Variants in PHRF1 observed in about 807,000 individuals in gnomAD.
The protein encoded by PHRF1 is PHD and ring finger domains 1.
In PHRF1, 53 loss-of-function variants were observed where a neutral mutation model predicts 128.9. The observed-to-expected ratio is 0.41, with a 90% confidence interval of 0.33 to 0.52. The LOEUF (loss-of-function observed/expected upper bound fraction) is 0.52, where lower values mean the gene tolerates loss of function less well. Among genes scored for constraint, PHRF1 ranks in the 20% least tolerant of loss-of-function variants. PHRF1 has a pLI of 0.21. For synonymous variants in PHRF1, 1,178 were observed against 980.6 expected (o/e 1.20, Z -3.76); for missense variants, 2,503 against 2,284.5 (o/e 1.10, Z -1.95).
Position 598,460 on chromosome 11 carries a change from C to T in PHRF1, c.982C>T (p.Pro328Ser). The change falls in exon 9 of 18, where the codon CCC becomes TCC. Residue 328 changes from proline to serine, a missense_variant. Physicochemically the swap from Pro to Ser is moderately conservative, Grantham distance 74. Coordinates refer to ENST00000264555, the MANE Select transcript of PHRF1 (RefSeq NM_001286581.2). ...CCTGAGCACTGCCGTGTATCAGCGC[C>T]CCCTGACGCCGCGCACTCCCGCCCG... ...TGLSTAVYQR[P>S]LTPRTPARRK... 1.2e-6 allele frequency: 2 copies of T among 1,610,764 alleles called. No homozygotes were observed. Among genetic ancestry groups the T allele is most frequent in the Non-Finnish European group, 1.7e-6 (2 of 1,179,674 alleles).
rs1358758566 is a variant in PHRF1 at position 609,070 on chromosome 11, C to A, written c.3614C>A (p.Pro1205His). 13 of 1,600,232 alleles carry A rather than the reference C, an allele frequency of 8.1e-6. No homozygotes were observed. The highest frequency in any genetic ancestry group is 1.1e-5 in the Non-Finnish European group (13 of 1,174,020). ...GCTGTGAGGGAGGCTTCCCCAGCGC[C>A]CCTTGCACAGGGGGAGCCAGGGCGG... is the stretch of plus-strand genomic sequence containing the variant. ...KGAVREASPAPLAQGEPGRED... is the reference protein window; with the variant it reads ...KGAVREASPAHLAQGEPGRED... Residue 1205 changes from proline (P) to histidine (H), a missense_variant, in exon 14 of 18, where the codon CCC becomes CAC. By Grantham distance (77) the Pro-to-His change is moderately conservative. Transcript: ENST00000264555.
At chr11:606,666 A>G in intron 13 of PHRF1, 70 bp downstream of exon 13, 1 of 1,501,090 alleles carries the variant, frequency 6.7e-7, no homozygotes, top group Admixed American at 2.2e-5. Flanking sequence ...GCAAGCACTC[A>G]GCCCATGTCT....
intron 1 of PHRF1, among the ~76,000 whole-genome samples, chr11:579,224 C>T (rs1854065291): frequency 6.6e-6 from 1 of 150,926 alleles, no homozygotes; most frequent in Admixed American, 6.6e-5. Flanking sequence ...TGGGACTCCC[C>T]CAGCCCTGCT....
chr11:606,451 C>T lies in PHRF1; in HGVS notation c.1464C>T (p.Leu488=), dbSNP rs745861477. 12 of 1,556,238 alleles carry T rather than the reference C, an allele frequency of 7.7e-6. No individual in the cohort carries two copies. The African/African-American group carries it at 1.6e-4, about 21-fold the overall frequency. The change falls in exon 13 of 18, where the codon CTC becomes CTT. Residue 488 remains leucine, a synonymous_variant. Transcript: ENST00000264555. ...PVSVGLSRRR[L]PAAVPEPDLE... is the part of the protein sequence containing the mutation. ...GGGTCTGTGCCCACAGGAGGCGCCT[C>T]CCTGCCGCGGTGCCAGAGCCAGACT...
In PHRF1 at chr11:606,515, C is replaced by G; in HGVS notation, c.1528C>G (p.Leu510Val). The change falls in exon 13 of 18, where the codon CTG (leucine) becomes GTG (valine). Residue 510 changes from leucine to valine, a missense_variant. Transcript: ENST00000264555. ...AGTGCCTGACCTGCTGGGCAGCATC[C>G]TGTCGGGCCAGAGCCTCCTGATGCT... Reference protein sequence around the residue: ...EPVPDLLGSILSGQSLLMLGS... With the variant: ...EPVPDLLGSIVSGQSLLMLGS... The G allele has an allele frequency of 6.2e-7, 1 of 1,609,288 alleles. No individual in the cohort carries two copies. Among genetic ancestry groups the G allele is most frequent in the Non-Finnish European group, 8.5e-7 (1 of 1,179,456 alleles).
rs1480441936 is a variant in PHRF1, at chr11:608,543, C to T, written c.3087C>T (p.Ser1029=). The change falls in exon 14 of 18, where the codon AGC becomes AGT. Residue 1029 remains serine (S), a synonymous_variant. Coordinates refer to ENST00000264555, the MANE Select transcript of PHRF1 (RefSeq NM_001286581.2). ...SGTRSESRDR[S]SRSASPSVGE... The stretch of plus-strand genomic sequence containing the variant: ...CGCGCTCTGAATCCAGGGACAGGAG[C>T]TCGAGGTCAGCGTCACCATCAGTGG... 1 of 1,612,270 alleles carries T rather than the reference C, an allele frequency of 6.2e-7. No homozygotes were observed. The highest frequency in any genetic ancestry group is 2.2e-5 in the East Asian group (1 of 44,866).
rs1227142846 is a variant in PHRF1 at position 609,174 on chromosome 11, C to T, written c.3718C>T (p.Leu1240=). ...PEVATADKAP[L]QAPPVLEVAA... is the part of the protein sequence containing the mutation. ...GGTGGCTACGGCCGACAAGGCCCCCCTGCAGGCTCCCCCTGTCCTGGAGGT... is the reference window on the plus strand; with the variant it reads ...GGTGGCTACGGCCGACAAGGCCCCCTTGCAGGCTCCCCCTGTCCTGGAGGT... Residue 1240 remains leucine, a synonymous_variant, in exon 14 of 18, where the codon CTG becomes TTG. Coordinates refer to ENST00000264555, the MANE Select transcript of PHRF1 (RefSeq NM_001286581.2). 2 of 1,606,586 alleles carry T rather than the reference C, an allele frequency of 1.2e-6. No homozygotes were observed. The highest frequency in any genetic ancestry group is 1.7e-6 in the Non-Finnish European group (2 of 1,179,146).
chr11:611,199 G>A (rs2133109210), intron 17 of PHRF1, 117 bp downstream of exon 17: 3 of 1,496,638 alleles, frequency 2.0e-6, no homozygotes, highest in Non-Finnish European at 2.7e-6. Flanking sequence ...CAGCCAGCCA[G>A]GTTAGGGGTC....
intron 10 of PHRF1, among the ~76,000 whole-genome samples, chr11:602,770 GT>G (rs577884558): frequency 0.017 from 2,376 of 138,432 alleles, 64 homozygotes; most frequent in African/African-American, 0.063. Flanking sequence ...TGTTTTTTTT[GT>G]TTTTTTTTTT....
intron 1 of PHRF1, among the ~76,000 whole-genome samples, chr11:579,587 G>A (rs1854092661): frequency 6.6e-6 from 1 of 152,224 alleles, no homozygotes; most frequent in African/African-American, 2.4e-5. Flanking sequence ...CTCAGAGCCA[G>A]TGTCTCTAGG....
At position 610,771 on chromosome 11, in the gene PHRF1, G is replaced by C. The variant is rs1296977254; in HGVS notation, c.4677+10G>C. On this transcript the variant is annotated intron_variant, in intron 16 of 17. Coordinates refer to ENST00000264555, the MANE Select transcript of PHRF1 (RefSeq NM_001286581.2). ...AACCAAGAAGGAGGAGGTGAGTCCT[G>C]CCTCCTCCCACTTTCCCCATGTTCC... The C allele has an allele frequency of 6.3e-7, 1 of 1,598,342 alleles. No homozygotes were observed. The highest frequency in any genetic ancestry group is 1.1e-5 in the South Asian group (1 of 91,024).
At position 611,795 on chromosome 11, in the gene PHRF1, C is replaced by T. The variant is rs201508784; in HGVS notation, c.*18C>T. The T allele has an allele frequency of 5.7e-6, 9 of 1,586,322 alleles. No homozygotes were observed. Reference sequence around the variant, plus strand: ...AGGGCTGAGGCCAGGCAATCACGGGCTATGCCCGGGGAGCTGTCGGGAGTG... The same window carrying T: ...AGGGCTGAGGCCAGGCAATCACGGGTTATGCCCGGGGAGCTGTCGGGAGTG... On this transcript the variant is annotated 3_prime_UTR_variant, in exon 18 of 18. Transcript: ENST00000264555.
At chr11:580,318 A>G (rs954972750) in intron 1 of PHRF1, among the ~76,000 whole-genome samples, 2 of 152,234 alleles carry the variant, frequency 1.3e-5, no homozygotes, top group Admixed American at 6.5e-5. Context: ...AGCGTGTCCA[A>G]CTAGATTTCC....
At position 607,564 on chromosome 11, in the gene PHRF1, G is replaced by A. The variant is rs760103054; in HGVS notation, c.2108G>A (p.Ser703Asn). The change falls in exon 14 of 18, where the codon AGC (serine) becomes AAC (asparagine). Residue 703 changes from serine to asparagine, a missense_variant. Transcript: ENST00000264555. ...GATGCGGCCCCGGCCCACGGGCAGA[G>A]CATTGAGATCCCCAGTGCCTGCATC... Reference protein sequence around the residue: ...RRDAAPAHGQSIEIPSACISR... With the variant: ...RRDAAPAHGQNIEIPSACISR... 4.0e-5 allele frequency: 64 copies of A among 1,612,278 alleles called. No homozygotes were observed. Among genetic ancestry groups the A allele is most frequent in the Middle Eastern group, 1.6e-4 (1 of 6,082 alleles).
Position 576,562 on chromosome 11 carries a change from C to G in PHRF1, c.-52C>G, listed in dbSNP as rs942350292. Reference sequence around the variant, plus strand: ...CGGTCGTGCAGCGGCGGCGAGCGCTCGCGAGCGGCTGCGGGACGCGAGGTT... The same window carrying G: ...CGGTCGTGCAGCGGCGGCGAGCGCTGGCGAGCGGCTGCGGGACGCGAGGTT... On this transcript the variant is annotated 5_prime_UTR_variant, in exon 1 of 18. Coordinates refer to ENST00000264555, the MANE Select transcript of PHRF1 (RefSeq NM_001286581.2). The G allele has an allele frequency of 1.3e-5, 2 of 151,298 alleles. No homozygotes were observed. Among genetic ancestry groups the G allele is most frequent in the Admixed American group, 6.6e-5 (1 of 15,216 alleles). The allele number at this position is 151,298 out of a possible 1,614,324, so 9.4% of individuals were successfully genotyped here.
Position 611,853 on chromosome 11 carries a change from G to A in PHRF1, c.*76G>A, listed in dbSNP as rs1011669370. Reference sequence around the variant, plus strand: ...TCGGGGCCATGCCCGGGGAGCTGTCGGGAGTGGCGGGAATCGGGGCCATGC... The same window carrying A: ...TCGGGGCCATGCCCGGGGAGCTGTCAGGAGTGGCGGGAATCGGGGCCATGC... On this transcript the variant is annotated 3_prime_UTR_variant, in exon 18 of 18. Coordinates refer to ENST00000264555, the MANE Select transcript of PHRF1 (RefSeq NM_001286581.2). 12 of 1,509,058 alleles carry A rather than the reference G, an allele frequency of 8.0e-6. No homozygotes were observed. Among genetic ancestry groups the A allele is most frequent in the East Asian group, 2.5e-5 (1 of 40,496 alleles). 93.5% of individuals were successfully genotyped at this position (1,509,058 alleles called of 1,614,324 possible).
Position 597,423 on chromosome 11 carries a change from C to T in PHRF1, c.747C>T (p.Val249=). Residue 249 remains valine, a synonymous_variant, in exon 8 of 18, where the codon GTC becomes GTT. Coordinates refer to ENST00000264555, the MANE Select transcript of PHRF1 (RefSeq NM_001286581.2). The surrounding 1 kb of genome is among the most constrained non-coding windows in gnomAD (Gnocchi z 6.5). ...ADAGPVSEEE[V]SLLLADVVPT... is the part of the protein sequence containing the mutation. ...CGGGTCCCGTGAGTGAGGAGGAGGT[C>T]TCCCTGCTCTTGGCTGATGTGGTGC... The T allele has an allele frequency of 6.2e-7, 1 of 1,613,042 alleles. No homozygotes were observed. Among genetic ancestry groups the T allele is most frequent in the Non-Finnish European group, 8.5e-7 (1 of 1,179,622 alleles).
chr11:609,196 A>G lies in PHRF1; in HGVS notation c.3740A>G (p.Glu1247Gly). ...KAPLQAPPVL[E>G]VAAECEPDDL... ...CCCCTGCAGGCTCCCCCTGTCCTGG[A>G]GGTGGCAGCTGAGTGTGAGCCGGAC... The change falls in exon 14 of 18, where the codon GAG (glutamate) becomes GGG (glycine). Residue 1247 changes from glutamate to glycine, a missense_variant. By Grantham distance (98) the Glu-to-Gly change is moderately conservative. Coordinates refer to ENST00000264555, the MANE Select transcript of PHRF1 (RefSeq NM_001286581.2). The G allele has an allele frequency of 6.2e-7, 1 of 1,608,174 alleles. No homozygotes were observed. The highest frequency in any genetic ancestry group is 8.5e-7 in the Non-Finnish European group (1 of 1,179,664).
chr11:586,153 G>A (rs1412506568), intron 3 of PHRF1, among the ~76,000 whole-genome samples: 1 of 152,030 alleles, frequency 6.6e-6, no homozygotes, highest in African/African-American at 2.4e-5. Context: ...GAGCCACCAC[G>A]CCTGGCAATT....
Sources: gnomAD v4.1 joint callset for allele counts (sites outside exome capture counted in the v4.1 genomes callset) on GRCh38, gnomAD v4.1.1 for gene constraint, Gnocchi (gnomAD v3.1) non-coding constraint, MANE v1.5 for transcripts, NCBI Gene and HGNC (gene_info 2026-07-23, HGNC 2026-07-21) for gene names.